The following DYNC1I1 variants were observed in gnomAD, a reference collection of about 807,000 sequenced individuals.
DYNC1I1 encodes dynein cytoplasmic 1 intermediate chain 1, also known as cytoplasmic dynein 1 intermediate chain 1.
In DYNC1I1, 43 loss-of-function variants were observed where a neutral mutation model predicts 86.6. That is an observed-to-expected ratio of 0.50 (90% CI 0.39 to 0.64). The LOEUF is 0.64. Among genes scored for constraint, DYNC1I1 ranks in the 30% least tolerant of loss-of-function variants. The pLI is 0.00. For synonymous variants in DYNC1I1, 262 were observed against 283.7 expected (o/e 0.92, Z 0.77); for missense variants, 604 against 788.8 (o/e 0.77, Z 2.81).
chr7:95,982,429 A>T (rs542776812), intron 7 of DYNC1I1, among the ~76,000 whole-genome samples: 2 of 152,258 alleles, frequency 1.3e-5, no homozygotes, highest in South Asian at 2.1e-4. Flanking sequence ...TCAGCCATTT[A>T]TGTTTCTGTT....
chr7:95,958,003 G>T (rs1364696103), intron 6 of DYNC1I1, among the ~76,000 whole-genome samples: 2 of 152,116 alleles, frequency 1.3e-5, no homozygotes, highest in Non-Finnish European at 2.9e-5. Context: ...CCTAATCTTG[G>T]CATTATTGGT....
At chr7:96,077,032 T>C (rs968713344) in intron 15 of DYNC1I1, among the ~76,000 whole-genome samples, 1 of 152,162 alleles carries the variant, frequency 6.6e-6, no homozygotes, top group Non-Finnish European at 1.5e-5. Flanking sequence ...AATAAAATGG[T>C]CTCTGCATCA....
intron 1 of DYNC1I1, among the ~76,000 whole-genome samples, chr7:95,784,268 A>G (rs1288993470): frequency 6.6e-6 from 1 of 152,158 alleles, no homozygotes; most frequent in African/African-American, 2.4e-5. Flanking sequence ...CCAGCACTTC[A>G]AAGTCATGTT....
chr7:95,803,866 G>A (rs530143121), intron 1 of DYNC1I1, among the ~76,000 whole-genome samples: 1 of 152,222 alleles, frequency 6.6e-6, no homozygotes, highest in South Asian at 2.1e-4. Context: ...TTGGTAATTA[G>A]TAAGAGTCTT....
chr7:95,838,627 C>T (rs1789184653), intron 5 of DYNC1I1, among the ~76,000 whole-genome samples: 1 of 152,080 alleles, frequency 6.6e-6, no homozygotes, highest in Non-Finnish European at 1.5e-5. Flanking sequence ...CTGCTCTAGG[C>T]AGTATGGACA....
chr7:96,025,844 G>T (rs1053110658), intron 10 of DYNC1I1, among the ~76,000 whole-genome samples: 1 of 151,782 alleles, frequency 6.6e-6, no homozygotes, highest in Non-Finnish European at 1.5e-5. Flanking sequence ...AGCTTGCGGG[G>T]GGGGGATATT....
rs755250366 is a variant in DYNC1I1 at position 96,076,040 on chromosome 7, GTC to G, written c.1510-11_1510-10del. 3.1e-6 allele frequency: 5 copies of G among 1,610,986 alleles called. No homozygotes were observed. The South Asian group carries it at 3.3e-5, about 11-fold the overall frequency. Reference sequence around the variant, plus strand: ...GCAGCAGCGCCACAAAGTCTTCACGGTCTCTCTGCTTTACAGCACAACAAGCC... The same window carrying G: ...GCAGCAGCGCCACAAAGTCTTCACGGTCTCTGCTTTACAGCACAACAAGCC... On this transcript the variant is annotated splice_polypyrimidine_tract_variant and intron_variant, in intron 14 of 16. Transcript: ENST00000447467.
intron 1 of DYNC1I1, among the ~76,000 whole-genome samples, chr7:95,799,439 C>A (rs1562897546): frequency 6.6e-6 from 1 of 152,076 alleles, no homozygotes; most frequent in Non-Finnish European, 1.5e-5. Flanking sequence ...GCAGGAGAGA[C>A]CTTCCCTGTA....
At chr7:95,995,314 G>A (rs941127135) in intron 9 of DYNC1I1, among the ~76,000 whole-genome samples, 8 of 151,930 alleles carry the variant, frequency 5.3e-5, no homozygotes, top group Non-Finnish European at 1.2e-4. Flanking sequence ...TGGGCCAGGC[G>A]AATGTTAGTG....
intron 14 of DYNC1I1, among the ~76,000 whole-genome samples, chr7:96,061,165 C>A (rs540219246): frequency 6.6e-6 from 1 of 152,156 alleles, no homozygotes; most frequent in African/African-American, 2.4e-5. Flanking sequence ...ATGCAGCCGA[C>A]TGGCTGGAAC....
chr7:96,076,133 C>G lies in DYNC1I1; in HGVS notation c.1586C>G (p.Ala529Gly), dbSNP rs779672282. The change falls in exon 15 of 17, where the codon GCG (alanine) becomes GGG (glycine). Residue 529 changes from alanine to glycine, a missense_variant. Ala to Gly is a moderately conservative substitution (Grantham distance 60). Coordinates refer to ENST00000447467, the MANE Select transcript of DYNC1I1 (RefSeq NM_001135556.2). The part of the protein sequence containing the change: ...YDVMWSPVHP[A>G]LFACVDGMGR... ...GTCATGTGGTCCCCCGTGCATCCTG[C>G]GCTTTTTGCCTGCGTGGACGGGATG... 1 of 1,614,048 alleles carries G rather than the reference C, an allele frequency of 6.2e-7. No homozygotes were observed. Among genetic ancestry groups the G allele is most frequent in the Admixed American group, 1.7e-5 (1 of 60,008 alleles).
chr7:96,014,721 C>G (rs967134848), intron 10 of DYNC1I1, among the ~76,000 whole-genome samples: 2 of 152,156 alleles, frequency 1.3e-5, no homozygotes, highest in African/African-American at 4.8e-5. Flanking sequence ...GAAAATCAAG[C>G]TACGGATCTT....
At chr7:96,019,352 G>T (rs1397578699) in intron 10 of DYNC1I1, among the ~76,000 whole-genome samples, 2 of 150,460 alleles carry the variant, frequency 1.3e-5, no homozygotes, top group Admixed American at 6.6e-5. Flanking sequence ...TAACCAATGT[G>T]GGTTTTTAAT....
intron 14 of DYNC1I1, among the ~76,000 whole-genome samples, chr7:96,061,611 AGCCGTTCACCCCCAGAGT>A (rs1290854063): frequency 3.3e-5 from 5 of 152,002 alleles, no homozygotes; most frequent in Admixed American, 3.3e-4. Flanking sequence ...CCCAATAGTG[AGCCGTTCACCCCCAGAGT>A]GCTTGATTTG....
At chr7:96,043,967 C>CA (rs1312533513) in intron 14 of DYNC1I1, among the ~76,000 whole-genome samples, 3 of 152,150 alleles carry the variant, frequency 2.0e-5, no homozygotes, top group Non-Finnish European at 4.4e-5. Context: ...CTCAGCCTCC[C>CA]AAAGTGCTGG....
intron 1 of DYNC1I1, among the ~76,000 whole-genome samples, chr7:95,783,645 C>A (rs1478983): frequency 6.6e-6 from 1 of 152,046 alleles, no homozygotes; most frequent in Non-Finnish European, 1.5e-5. Flanking sequence ...GCAGACTGAC[C>A]AGACATCAGT....
At chr7:95,945,198 G>T (rs1273424758) in intron 6 of DYNC1I1, among the ~76,000 whole-genome samples, 1 of 151,920 alleles carries the variant, frequency 6.6e-6, no homozygotes, top group African/African-American at 2.4e-5. Flanking sequence ...TAAATTGTAT[G>T]TATTTGGAGG....
At chr7:96,038,366 C>G (rs1264911534) in intron 13 of DYNC1I1, among the ~76,000 whole-genome samples, 1 of 152,102 alleles carries the variant, frequency 6.6e-6, no homozygotes, top group Non-Finnish European at 1.5e-5. Context: ...GGTATGTTTT[C>G]TCACATCTTC....
intron 16 of DYNC1I1, among the ~76,000 whole-genome samples, chr7:96,106,504 C>T (rs1563007530): frequency 6.6e-6 from 1 of 151,906 alleles, no homozygotes; most frequent in Non-Finnish European, 1.5e-5. Flanking sequence ...CATTGCACTC[C>T]AGCCTGGGCA....
Sources: gnomAD v4.1 joint callset for allele counts (sites outside exome capture counted in the v4.1 genomes callset) on GRCh38, gnomAD v4.1.1 for gene constraint, MANE v1.5 for transcripts, NCBI Gene and HGNC (gene_info 2026-07-23, HGNC 2026-07-21) for gene names.